Variants in PTPRQ observed in about 807,000 individuals in gnomAD.
PTPRQ encodes the protein phosphatidylinositol phosphatase PTPRQ.
A neutral mutation model predicts 246.0 loss-of-function variants in PTPRQ; 199 were observed. That is an observed-to-expected ratio of 0.81 (90% CI 0.72 to 0.91). PTPRQ has a LOEUF of 0.91. Among genes scored for constraint, PTPRQ ranks in the 40% least tolerant of loss-of-function variants. PTPRQ has a pLI of 0.00. For synonymous variants in PTPRQ, 869 were observed against 853.2 expected, an observed-to-expected ratio of 1.02 and a Z score of -0.32; for missense variants, 2,624 against 2,528.4, an observed-to-expected ratio of 1.04 and a Z score of -0.81.
In PTPRQ at chr12:80,452,764, G is replaced by A. The variant is rs978444426; in HGVS notation, c.391-4811G>A. On this transcript the variant is annotated intron_variant, in intron 3 of 44. Coordinates refer to ENST00000644991, the MANE Select transcript of PTPRQ (RefSeq NM_001145026.2). Reference sequence around the variant, plus strand: ...TTAGTCTAATAGGCTTCCCTTTGTGGGTAACCCGACCTTTCTCTCTGGCTG... The same window carrying A: ...TTAGTCTAATAGGCTTCCCTTTGTGAGTAACCCGACCTTTCTCTCTGGCTG... 5.9e-5 allele frequency among the ~76,000 whole-genome samples: 9 copies of A among 152,268 alleles called. 1 individual carries two copies. Among genetic ancestry groups the A allele is most frequent in the Admixed American group, 2.0e-4 (3 of 15,298 alleles).
chr12:80,589,945 T>C (rs1473584940), intron 26 of PTPRQ, among the ~76,000 whole-genome samples: 4 of 152,138 alleles, frequency 2.6e-5, no homozygotes, highest in East Asian at 1.9e-4. Context: ...CCCAAGGAGA[T>C]TTTACCTTAA....
chr12:80,574,135 T>G (rs1897223675), intron 25 of PTPRQ, among the ~76,000 whole-genome samples: 1 of 152,216 alleles, frequency 6.6e-6, no homozygotes, highest in South Asian at 2.1e-4. Flanking sequence ...AACTGATCCT[T>G]TGATCATTAT....
intron 10 of PTPRQ, 85 bp downstream of exon 10, chr12:80,493,540 G>C: frequency 7.1e-7 from 1 of 1,417,956 alleles, no homozygotes; most frequent in Non-Finnish European, 9.2e-7. Context: ...TTAGAGTTCA[G>C]CCATATTATT....
intron 9 of PTPRQ, among the ~76,000 whole-genome samples, chr12:80,485,070 T>C (rs1313074055): frequency 6.6e-6 from 1 of 152,110 alleles, no homozygotes; most frequent in African/African-American, 2.4e-5. Flanking sequence ...TTTTTTTTTT[T>C]CAAAGTACAT....
intron 33 of PTPRQ, among the ~76,000 whole-genome samples, chr12:80,625,341 C>CAG (rs72458676): frequency 0.35 from 52,461 of 151,718 alleles, 9,607 homozygotes; most frequent in African/African-American, 0.46. Flanking sequence ...TCCCAGACTA[C>CAG]AGAGAGAAGT....
rs575976065 is a variant in PTPRQ, at chr12:80,534,554, A to C, written c.2840-338A>C. On this transcript the variant is annotated intron_variant, in intron 18 of 44. Coordinates refer to ENST00000644991, the MANE Select transcript of PTPRQ (RefSeq NM_001145026.2). ...TATGACTTTTATTATTCAATATAAA[A>C]ATTCTAAGTTATATTAGAATTTCAA... Among the ~76,000 whole-genome samples, 166 of 152,184 alleles carry C rather than the reference A, an allele frequency of 1.1e-3. 1 individual carries two copies. Among genetic ancestry groups the C allele is most frequent in the African/African-American group, 3.8e-3 (156 of 41,564 alleles).
At chr12:80,521,875 A>T (rs1479873990) in intron 17 of PTPRQ, among the ~76,000 whole-genome samples, 1 of 152,180 alleles carries the variant, frequency 6.6e-6, no homozygotes, top group African/African-American at 2.4e-5. Context: ...TGAACTTTAA[A>T]GTAGTTTTTT....
intron 25 of PTPRQ, among the ~76,000 whole-genome samples, chr12:80,566,622 T>C (rs1896987554): frequency 6.6e-6 from 1 of 152,094 alleles, no homozygotes; most frequent in African/African-American, 2.4e-5. Context: ...TCACTGCAGC[T>C]TTAACCTTTT....
chr12:80,506,444 A>T (rs1894962516), intron 15 of PTPRQ, 125 bp from the exon 16 acceptor site: 1 of 879,026 alleles, frequency 1.1e-6, no homozygotes, highest in Non-Finnish European at 1.7e-6. Flanking sequence ...ATTGCCAAAG[A>T]ATGACATTTT....
chr12:80,474,061 T>C (rs1893737735), intron 8 of PTPRQ, among the ~76,000 whole-genome samples: 1 of 152,210 alleles, frequency 6.6e-6, no homozygotes, highest in South Asian at 2.1e-4. Context: ...AATGGAATAC[T>C]CTGGCAAATG....
chr12:80,444,303 A>G lies in PTPRQ; in HGVS notation c.-43A>G, dbSNP rs1408891342. The G allele has an allele frequency of 1.0e-6, 1 of 998,132 alleles. No individual in the cohort carries two copies. Among genetic ancestry groups the G allele is most frequent in the Non-Finnish European group, 1.5e-6 (1 of 646,244 alleles). 61.8% of individuals were successfully genotyped at this position (998,132 alleles called of 1,614,324 possible). A position where few individuals can be genotyped will look rare whatever the true frequency, so the allele number is the denominator to read the frequency against. Reference sequence around the variant, plus strand: ...ATTAATGCAGGCAACATTTCTCTCTAGAGCCATCAATGTGATTCTACTGGC... The same window carrying G: ...ATTAATGCAGGCAACATTTCTCTCTGGAGCCATCAATGTGATTCTACTGGC... On this transcript the variant is annotated 5_prime_UTR_variant, in exon 1 of 45. Coordinates refer to ENST00000644991, the MANE Select transcript of PTPRQ (RefSeq NM_001145026.2).
At chr12:80,631,815 A>C (rs1899446006) in intron 33 of PTPRQ, among the ~76,000 whole-genome samples, 1 of 152,214 alleles carries the variant, frequency 6.6e-6, no homozygotes, top group Non-Finnish European at 1.5e-5. Flanking sequence ...GGAAGTGTAC[A>C]TGTTCAGTTT....
intron 12 of PTPRQ, 75 bp from the exon 13 acceptor site, chr12:80,495,924 G>T: frequency 6.8e-7 from 1 of 1,470,278 alleles, no homozygotes; most frequent in Non-Finnish European, 9.1e-7. Context: ...CTTCTTACTG[G>T]CCTTATATTA....
In PTPRQ at chr12:80,530,743, A is replaced by C. The variant is rs556359404; in HGVS notation, c.2679-3272A>C. Among the ~76,000 whole-genome samples, 5 of 152,330 alleles carry C rather than the reference A, an allele frequency of 3.3e-5. No homozygotes were observed. In the East Asian group the frequency reaches 5.8e-4, roughly 18 times the overall value. ...CTATATTTATAATATCCAGAGATTT[A>C]TGTGAGTTTGTCAAAATGGGTACTC... On this transcript the variant is annotated intron_variant, in intron 17 of 44. Coordinates refer to ENST00000644991, the MANE Select transcript of PTPRQ (RefSeq NM_001145026.2).
At chr12:80,459,172 T>G (rs745696781) in intron 4 of PTPRQ, 112 bp from the exon 5 acceptor site, 4 of 395,864 alleles carry the variant, frequency 1.0e-5, no homozygotes, top group African/African-American at 2.1e-5. Flanking sequence ...CTTACACAAA[T>G]AGATTTTATG....
intron 17 of PTPRQ, among the ~76,000 whole-genome samples, chr12:80,524,063 A>G (rs545212469): frequency 3.9e-5 from 6 of 152,284 alleles, no homozygotes; most frequent in Admixed American, 3.9e-4. Flanking sequence ...TTGAGTGCGT[A>G]TATATTTAGG....
At chr12:80,524,927 G>A (rs775252350) in intron 17 of PTPRQ, among the ~76,000 whole-genome samples, 23 of 152,014 alleles carry the variant, frequency 1.5e-4, no homozygotes, top group South Asian at 2.1e-4. Context: ...ATAAAACAGC[G>A]CATTTATAGG....
chr12:80,630,120 T>G (rs914093583), intron 33 of PTPRQ, among the ~76,000 whole-genome samples: 1 of 152,200 alleles, frequency 6.6e-6, no homozygotes, highest in African/African-American at 2.4e-5. Context: ...TTCAAATCAG[T>G]CTTTGATTTT....
chr12:80,517,768 G>A (rs1258519255), intron 17 of PTPRQ, among the ~76,000 whole-genome samples: 2 of 151,512 alleles, frequency 1.3e-5, no homozygotes, highest in African/African-American at 2.4e-5. Flanking sequence ...TTTGTCATTT[G>A]TGCCTGACTT....
Sources: gnomAD v4.1 joint callset for allele counts (sites outside exome capture counted in the v4.1 genomes callset) on GRCh38, gnomAD v4.1.1 for gene constraint, MANE v1.5 for transcripts, NCBI Gene and HGNC (gene_info 2026-07-23, HGNC 2026-07-21) for gene names.